The following TPO variants were observed in gnomAD, a reference collection of about 807,000 sequenced individuals.
TPO encodes the protein thyroid microsomal antigen.
A neutral mutation model predicts 96.9 loss-of-function variants in TPO; 78 were observed. The observed-to-expected ratio is 0.81, with a 90% CI of 0.67 to 0.97. The LOEUF is 0.97. Among genes scored for constraint, TPO ranks in the 50% least tolerant of loss-of-function variants. TPO has a pLI of 0.00. For missense variants in TPO, 1,252 were observed against 1,274.8 expected (o/e 0.98, Z 0.27); for synonymous variants, 547 against 538.0 (o/e 1.02, Z -0.23).
At chr2:1,499,514 G>A (rs1453783193) in intron 13 of TPO, among the ~76,000 whole-genome samples, 1 of 152,192 alleles carries the variant, frequency 6.6e-6, no homozygotes, top group Non-Finnish European at 1.5e-5. Flanking sequence ...AGCAGCCAGT[G>A]CTCCTGGTGG....
chr2:1,527,761 C>CAAATCCCCCCCACTCTGTGCAACCTCCCA, intron 15 of TPO, among the ~76,000 whole-genome samples: 1 of 149,152 alleles, frequency 6.7e-6, no homozygotes, highest in Non-Finnish European at 1.5e-5. Flanking sequence ...GCAACCTCCC[C>CAAATCCCCCCCACTCTGTGCAACCTCCCA]AAATCCCCCC....
intron 15 of TPO, among the ~76,000 whole-genome samples, chr2:1,535,269 C>CAG (rs1679342363): frequency 5.4e-5 from 1 of 18,592 alleles, no homozygotes; most frequent in Non-Finnish European, 1.2e-4. Flanking sequence ...CTCCCAAAAT[C>CAG]CCCCATACTG....
chr2:1,394,408 A>G (rs2148363405), intron 1 of TPO, among the ~76,000 whole-genome samples: 1 of 152,334 alleles, frequency 6.6e-6, no homozygotes, highest in South Asian at 2.1e-4. Context: ...TGATCTGCCA[A>G]GACCTCAAAA....
intron 1 of TPO, among the ~76,000 whole-genome samples, chr2:1,391,964 G>A (rs1662008294): frequency 6.6e-6 from 1 of 152,172 alleles, no homozygotes; most frequent in African/African-American, 2.4e-5. Flanking sequence ...TCTGCGAACA[G>A]GGACAATTTG....
chr2:1,393,303 C>T (rs557084003), intron 1 of TPO, among the ~76,000 whole-genome samples: 5 of 152,224 alleles, frequency 3.3e-5, no homozygotes, highest in Non-Finnish European at 5.9e-5. Context: ...CTAACCCATT[C>T]GTGAGAAATC....
chr2:1,448,045 A>G (rs944177242), intron 5 of TPO, among the ~76,000 whole-genome samples: 7 of 152,174 alleles, frequency 4.6e-5, no homozygotes, highest in African/African-American at 1.7e-4. Flanking sequence ...GTACAGCAGG[A>G]AGAGAGGCCG....
intron 3 of TPO, among the ~76,000 whole-genome samples, chr2:1,426,618 T>C (rs1331337993): frequency 6.6e-6 from 1 of 152,230 alleles, no homozygotes; most frequent in Non-Finnish European, 1.5e-5. Context: ...TTGTTTTAGA[T>C]GCCAGGATAC....
intron 15 of TPO, among the ~76,000 whole-genome samples, chr2:1,534,644 C>T (rs998664442): frequency 1.4e-5 from 2 of 142,992 alleles, no homozygotes; most frequent in Non-Finnish European, 3.0e-5. Context: ...CCCGCCCACT[C>T]TGTGCAATGT....
At chr2:1,422,660 G>A (rs1045431535) in intron 2 of TPO, among the ~76,000 whole-genome samples, 2 of 152,132 alleles carry the variant, frequency 1.3e-5, no homozygotes, top group African/African-American at 4.8e-5. Context: ...GGAAACTACT[G>A]GTATAGTGGA....
intron 7 of TPO, among the ~76,000 whole-genome samples, chr2:1,462,719 A>G (rs1668561579): frequency 6.6e-6 from 1 of 152,244 alleles, no homozygotes; most frequent in Non-Finnish European, 1.5e-5. Flanking sequence ...GACATAAGGT[A>G]TGAAATGAAA....
rs934138072 is a variant in TPO, at chr2:1,494,189, A to G, written c.2006+150A>G. 41 of 834,354 alleles carry G rather than the reference A, an allele frequency of 4.9e-5. No homozygotes were observed. The South Asian group carries it at 5.7e-4, about 12-fold the overall frequency. The allele number at this position is 834,354 out of a possible 1,614,324, so 51.7% of individuals were successfully genotyped here. A position where few individuals can be genotyped will look rare whatever the true frequency, so the allele number is the denominator to read the frequency against. ...TGGTCAGGTTGTTTCTCCCACCCAC[A>G]GCTTCTTTAACCTAGAACAGTGTTT... is the stretch of plus-strand genomic sequence containing the variant. On this transcript the variant is annotated intron_variant, in intron 11 of 16. Transcript: ENST00000329066.
chr2:1,485,749 GTTGT>G (rs1346424993), intron 9 of TPO, among the ~76,000 whole-genome samples: 3 of 152,120 alleles, frequency 2.0e-5, no homozygotes, highest in East Asian at 3.9e-4. Context: ...TTTTGATGGG[GTTGT>G]TTGTTTTTTC....
chr2:1,420,609 C>T (rs957647477), intron 2 of TPO, among the ~76,000 whole-genome samples: 4 of 152,162 alleles, frequency 2.6e-5, no homozygotes, highest in Non-Finnish European at 4.4e-5. Flanking sequence ...AGGTGGTGGA[C>T]GTCCTGGATT....
At chr2:1,528,019 T>TC (rs2125182605) in intron 15 of TPO, among the ~76,000 whole-genome samples, 1 of 121,634 alleles carries the variant, frequency 8.2e-6, no homozygotes, top group African/African-American at 3.4e-5. Context: ...CCTCCTCAAA[T>TC]CCTCCCACTA....
chr2:1,406,071 T>C (rs1206926874), intron 1 of TPO, among the ~76,000 whole-genome samples: 1 of 152,242 alleles, frequency 6.6e-6, no homozygotes, highest in African/African-American at 2.4e-5. Flanking sequence ...TGGTTCACCC[T>C]ACTGTAACCT....
intron 5 of TPO, 98 bp downstream of exon 5, chr2:1,436,482 GT>G: frequency 2.6e-6 from 4 of 1,544,832 alleles, no homozygotes; most frequent in East Asian, 2.3e-5. Flanking sequence ...TGGTGGATCT[GT>G]ATCCACCCCT....
chr2:1,522,665 A>G (rs1230926476), intron 15 of TPO, among the ~76,000 whole-genome samples: 4 of 152,068 alleles, frequency 2.6e-5, no homozygotes, highest in Non-Finnish European at 1.5e-5. Flanking sequence ...CTGGCTTCGA[A>G]TGTTCAAGTC....
At chr2:1,435,168 CG>C (rs1398900463) in intron 4 of TPO, among the ~76,000 whole-genome samples, 1 of 152,216 alleles carries the variant, frequency 6.6e-6, no homozygotes, top group Non-Finnish European at 1.5e-5. Context: ...CTCCTGACCT[CG>C]TAATCCACCC....
chr2:1,434,911 A>G (rs1046588475), intron 4 of TPO, among the ~76,000 whole-genome samples: 2 of 152,044 alleles, frequency 1.3e-5, no homozygotes, highest in Non-Finnish European at 2.9e-5. Context: ...TGTGTGTTAC[A>G]TGACTATGAC....
Sources: gnomAD v4.1 joint callset for allele counts (sites outside exome capture counted in the v4.1 genomes callset) on GRCh38, gnomAD v4.1.1 for gene constraint, MANE v1.5 for transcripts, NCBI Gene and HGNC (gene_info 2026-07-23, HGNC 2026-07-21) for gene names.